Variants in POLR1C observed in about 807,000 individuals in gnomAD.
The protein encoded by POLR1C is DNA-directed RNA polymerases I and III subunit RPAC1.
In POLR1C, 42 loss-of-function variants were observed where a neutral mutation model predicts 38.3. The observed-to-expected ratio is 1.10, with a 90% CI of 0.86 to 1.42. POLR1C has a LOEUF of 1.42. POLR1C is among the 40% of genes most tolerant of loss of function. The pLI, the probability that POLR1C is intolerant of heterozygous loss-of-function variation, is 0.00. For missense variants in POLR1C, 507 were observed against 450.5 expected (o/e 1.13, Z -1.14); for synonymous variants, 163 against 163.9 (o/e 0.99, Z 0.04).
chr6:43,538,137 A>G (rs1794460100), intron 9 of POLR1C, among the ~76,000 whole-genome samples: 1 of 105,634 alleles, frequency 9.5e-6, no homozygotes, highest in Admixed American at 1.0e-4. Context: ...CCTAAGAGAC[A>G]TCTTTTTTTT....
chr6:43,549,800 C>T (rs780522642), intron 9 of POLR1C: 81 of 1,368,704 alleles, frequency 5.9e-5, no homozygotes, highest in Non-Finnish European at 8.2e-5. Context: ...TTACTACCCC[C>T]TCCCATTTAT....
chr6:43,528,981 G>A (rs1480496107), intron 8 of POLR1C: 1 of 1,527,540 alleles, frequency 6.5e-7, no homozygotes, highest in African/African-American at 1.4e-5. Flanking sequence ...TCACCTGCCA[G>A]GTGGTGGGTT....
At chr6:43,519,612 G>T in intron 3 of POLR1C, 94 bp from the exon 4 acceptor site, 1 of 1,553,160 alleles carries the variant, frequency 6.4e-7, no homozygotes, top group Non-Finnish European at 8.9e-7. Context: ...TCTAGGAAGA[G>T]AGATAGCTCC....
chr6:43,555,674 G>T, intron 10 of POLR1C: 1 of 727,652 alleles, frequency 1.4e-6, no homozygotes, highest in Non-Finnish European at 2.0e-6. Context: ...TGCTTTCTTT[G>T]TGTCAGCCAA....
intron 9 of POLR1C, chr6:43,549,924 G>A: frequency 6.2e-7 from 1 of 1,612,310 alleles, no homozygotes; most frequent in Non-Finnish European, 8.5e-7. Flanking sequence ...AAAAGTGACA[G>A]ATGAAAATAG....
intron 9 of POLR1C, among the ~76,000 whole-genome samples, chr6:43,540,811 T>C (rs2127720456): frequency 6.6e-6 from 1 of 152,266 alleles, no homozygotes; most frequent in Non-Finnish European, 1.5e-5. Context: ...TTACTGATGT[T>C]ATCACTAGTA....
chr6:43,550,066 G>A (rs1420928515), intron 9 of POLR1C: 11 of 893,038 alleles, frequency 1.2e-5, no homozygotes, highest in Non-Finnish European at 1.8e-5. Flanking sequence ...GAGTAGCTGG[G>A]ACTACGGGCA....
chr6:43,528,291 A>C, intron 8 of POLR1C: 7 of 1,375,290 alleles, frequency 5.1e-6, no homozygotes, highest in Non-Finnish European at 7.1e-6. Flanking sequence ...CTTCATGATT[A>C]AAATTAGCCA....
chr6:43,545,212 A>G (rs1203258784), intron 9 of POLR1C, among the ~76,000 whole-genome samples: 1 of 152,140 alleles, frequency 6.6e-6, no homozygotes, highest in African/African-American at 2.4e-5. Context: ...CACAATGACA[A>G]CTTTATCAGA....
In POLR1C at chr6:43,543,599, A is replaced by T. The variant is rs150010787; in HGVS notation, c.*5-7369A>T. On this transcript the variant is annotated intron_variant, in intron 9 of 10. Transcript: ENST00000607635. ...TTACATGAATGTGTCCACTTTGTGA[A>T]AATTCATCTACACACACTCACAAGT... is the stretch of plus-strand genomic sequence containing the variant. Among the ~76,000 whole-genome samples the T allele has an allele frequency of 6.3e-3, 958 of 152,126 alleles. 13 individuals are homozygous for T. The highest frequency in any genetic ancestry group is 0.014 in the Middle Eastern group (4 of 292).
rs548301553 is a variant in POLR1C at position 43,549,946 on chromosome 6, G to A, written c.*5-1022G>A. ...ACAGATGAAAATAGCTAAGGGAGAG[G>A]AGGAAAAAAGGTCACTCATGTTTAT... On this transcript the variant is annotated intron_variant, in intron 9 of 10. Coordinates refer to the POLR1C transcript ENST00000607635. 7.4e-6 allele frequency: 12 copies of A among 1,611,488 alleles called. No individual in the cohort carries two copies. The highest frequency in any genetic ancestry group is 3.3e-5 in the South Asian group (3 of 90,486).
At chr6:43,546,413 A>AT (rs951014338) in intron 9 of POLR1C, among the ~76,000 whole-genome samples, 11 of 152,208 alleles carry the variant, frequency 7.2e-5, no homozygotes, top group South Asian at 4.2e-4. Context: ...AGCTGATGTT[A>AT]TTTTTTTTAA....
downstream of POLR1C, among the ~76,000 whole-genome samples, chr6:43,529,988 C>A (rs979390508): frequency 5.3e-5 from 8 of 151,508 alleles, no homozygotes; most frequent in African/African-American, 1.9e-4. Context: ...GGCATGGTGG[C>A]TCACACCTGT....
downstream of POLR1C, chr6:43,524,419 A>G (rs931739609): frequency 3.8e-6 from 6 of 1,586,008 alleles, no homozygotes; most frequent in African/African-American, 2.7e-5. Context: ...GTTTGCCCAT[A>G]CACATGATTT....
intron 10 of POLR1C, chr6:43,551,508 C>T (rs1339337373): frequency 1.9e-6 from 3 of 1,589,662 alleles, no homozygotes; most frequent in Non-Finnish European, 2.6e-6. Context: ...TAGAAATAAC[C>T]ATTTTGGCTA....
At chr6:43,528,225 A>G (rs780898032) in intron 8 of POLR1C, 10 of 1,580,520 alleles carry the variant, frequency 6.3e-6, no homozygotes, top group Non-Finnish European at 7.7e-6. Context: ...CACAAAGGAA[A>G]TAAATGCTAG....
intron 9 of POLR1C, among the ~76,000 whole-genome samples, chr6:43,534,914 G>C (rs931678649): frequency 6.6e-6 from 1 of 152,060 alleles, no homozygotes; most frequent in Admixed American, 6.6e-5. Flanking sequence ...AGAATTGCTT[G>C]AACTTGCGAG....
intron 10 of POLR1C, chr6:43,551,255 A>G: frequency 1.3e-6 from 2 of 1,522,132 alleles, no homozygotes; most frequent in Non-Finnish European, 1.8e-6. Context: ...AAATTAACTT[A>G]GAAATGTCAA....
At chr6:43,526,521 G>A in intron 8 of POLR1C, 1 of 706,998 alleles carries the variant, frequency 1.4e-6, no homozygotes, top group Non-Finnish European at 2.5e-6. Flanking sequence ...AGGCTTGGAG[G>A]TGGGAGTATG....
Sources: gnomAD v4.1 joint callset for allele counts (sites outside exome capture counted in the v4.1 genomes callset) on GRCh38, gnomAD v4.1.1 for gene constraint, MANE v1.5 for transcripts, NCBI Gene and HGNC (gene_info 2026-07-23, HGNC 2026-07-21) for gene names.